The following PTPRJ variants were observed in gnomAD, a reference collection of about 807,000 sequenced individuals.
The protein encoded by PTPRJ is protein tyrosine phosphatase receptor type J.
Under a neutral mutation model 141.3 loss-of-function variants are expected in PTPRJ, and 129 were observed. The observed-to-expected ratio is 0.91, with a 90% CI of 0.79 to 1.06. The LOEUF is 1.06. Ranked by LOEUF, PTPRJ falls within the 50% of genes least tolerant of loss-of-function variation. The probability of loss-of-function intolerance (pLI) is 0.00; values close to 1 mark genes in which losing one functional copy is unlikely to be tolerated. For missense variants in PTPRJ, 1,601 were observed against 1,679.7 expected (o/e 0.95, Z 0.82); for synonymous variants, 610 against 640.5 (o/e 0.95, Z 0.72).
chr11:48,092,137 A>G (rs1264311008), intron 1 of PTPRJ, among the ~76,000 whole-genome samples: 1 of 151,812 alleles, frequency 6.6e-6, no homozygotes, highest in Admixed American at 6.6e-5. Flanking sequence ...CTCTACAAAA[A>G]TACAAAAATT....
At chr11:48,024,458 A>G (rs1317689851) in intron 1 of PTPRJ, among the ~76,000 whole-genome samples, 1 of 152,172 alleles carries the variant, frequency 6.6e-6, no homozygotes. Flanking sequence ...TTGCCCTTCC[A>G]AAGTGCTGGG....
In PTPRJ at chr11:48,055,073, C is replaced by T. The variant is rs185182439; in HGVS notation, c.97-54985C>T. 2.2e-3 allele frequency among the ~76,000 whole-genome samples: 341 copies of T among 152,164 alleles called. 1 individual carries two copies. The highest frequency in any genetic ancestry group is 7.8e-3 in the African/African-American group (324 of 41,504). ...TAGTGGTGCATGCTTGTAATCCCAGCTACTTGGGTGGCTAAGGTGAGAGGA... is the reference window on the plus strand; with the variant it reads ...TAGTGGTGCATGCTTGTAATCCCAGTTACTTGGGTGGCTAAGGTGAGAGGA... On this transcript the variant is annotated intron_variant, in intron 1 of 24. Coordinates refer to ENST00000418331, the MANE Select transcript of PTPRJ (RefSeq NM_002843.4).
At chr11:48,101,209 G>A (rs764470911) in intron 1 of PTPRJ, among the ~76,000 whole-genome samples, 1 of 152,218 alleles carries the variant, frequency 6.6e-6, no homozygotes, top group Non-Finnish European at 1.5e-5. Flanking sequence ...GTGAAAAAAT[G>A]CAAGAAGTTA....
At chr11:48,034,638 G>T (rs1032765526) in intron 1 of PTPRJ, among the ~76,000 whole-genome samples, 1 of 152,138 alleles carries the variant, frequency 6.6e-6, no homozygotes, top group Admixed American at 6.5e-5. Flanking sequence ...GCAGCCCTAG[G>T]AGGTAGGTAC....
At position 48,100,645 on chromosome 11, in the gene PTPRJ, G is replaced by A. The variant is rs577551376; in HGVS notation, c.97-9413G>A. 2.0e-5 allele frequency among the ~76,000 whole-genome samples: 3 copies of A among 152,272 alleles called. No homozygotes were observed. In the South Asian group the frequency reaches 6.2e-4, roughly 32 times the overall value. ...TGGGTGTGGTCCCAGCACTTTGGGA[G>A]GCCAAGGCGGGTGGATCACCGGAGG... On this transcript the variant is annotated intron_variant, in intron 1 of 24. Transcript: ENST00000418331.
At chr11:48,018,475 C>T (rs955408643) in intron 1 of PTPRJ, among the ~76,000 whole-genome samples, 6 of 152,144 alleles carry the variant, frequency 3.9e-5, no homozygotes, top group African/African-American at 1.2e-4. Flanking sequence ...TCCAGGAGAC[C>T]GAGGTTTGAG....
chr11:48,057,779 C>CA (rs1854800065), intron 1 of PTPRJ, among the ~76,000 whole-genome samples: 1 of 152,136 alleles, frequency 6.6e-6, no homozygotes, highest in Non-Finnish European at 1.5e-5. Context: ...GAAAGCTCCC[C>CA]AACACCCCAG....
In PTPRJ at chr11:48,170,304, GA is replaced by G. The variant is rs1233829398; in HGVS notation, c.*2945del. On this transcript the variant is annotated 3_prime_UTR_variant, in exon 25 of 25. Transcript: ENST00000418331. ...ATCTAGTGATGATCAGCACCAGCAG[GA>G]AATGACATTTGGTGTCTGCCCACTG... The G allele has an allele frequency of 6.6e-6, 1 of 152,038 alleles. No homozygotes were observed. Among genetic ancestry groups the G allele is most frequent in the Non-Finnish European group, 1.5e-5 (1 of 68,018 alleles). The allele number at this position is 152,038 out of a possible 1,614,324, so 9.4% of individuals were successfully genotyped here.
At chr11:48,023,020 T>C (rs1853696183) in intron 1 of PTPRJ, among the ~76,000 whole-genome samples, 1 of 152,102 alleles carries the variant, frequency 6.6e-6, no homozygotes, top group Admixed American at 6.6e-5. Flanking sequence ...TAAAAGCCGT[T>C]ACAATTTTGT....
intron 1 of PTPRJ, among the ~76,000 whole-genome samples, chr11:48,018,282 A>G (rs911387039): frequency 3.4e-5 from 5 of 148,230 alleles, no homozygotes; most frequent in African/African-American, 7.5e-5. Context: ...CAATTTGTGG[A>G]GAGTCCATTT....
chr11:47,991,229 G>C (rs528307349), intron 1 of PTPRJ, among the ~76,000 whole-genome samples: 17 of 152,256 alleles, frequency 1.1e-4, no homozygotes, highest in Admixed American at 2.0e-4. Context: ...AGAGTGGCCA[G>C]TGTCTATTCC....
intron 19 of PTPRJ, among the ~76,000 whole-genome samples, chr11:48,155,163 G>C (rs1857571739): frequency 6.6e-6 from 1 of 152,112 alleles, no homozygotes. Flanking sequence ...CTGTGTTTTA[G>C]ACCCTCCTAC....
intron 1 of PTPRJ, among the ~76,000 whole-genome samples, chr11:48,008,493 C>T (rs374744781): frequency 1.3e-5 from 2 of 151,892 alleles, no homozygotes; most frequent in South Asian, 2.1e-4. Flanking sequence ...CTTCTGACCT[C>T]GTGATCCAAC....
chr11:48,061,926 T>A (rs7128885), intron 1 of PTPRJ, among the ~76,000 whole-genome samples: 55,586 of 144,718 alleles, frequency 0.38, 14,077 homozygotes, highest in African/African-American at 0.77. Flanking sequence ...TTTTTTTTTT[T>A]TTTCTTTTGA....
intron 24 of PTPRJ, among the ~76,000 whole-genome samples, chr11:48,165,043 T>A (rs1383732947): frequency 1.3e-5 from 2 of 152,242 alleles, no homozygotes; most frequent in Non-Finnish European, 2.9e-5. Flanking sequence ...ATGTCAGTAA[T>A]GGAACTACTA....
intron 7 of PTPRJ, 119 bp from the exon 8 acceptor site, chr11:48,130,339 GA>G: frequency 9.7e-7 from 1 of 1,031,600 alleles, no homozygotes; most frequent in East Asian, 2.5e-5. Context: ...ATACAAAGAA[GA>G]CAGAGAGAGG....
chr11:47,983,700 T>G (rs1853973314), intron 1 of PTPRJ, among the ~76,000 whole-genome samples: 1 of 152,236 alleles, frequency 6.6e-6, no homozygotes, highest in Admixed American at 6.5e-5. Context: ...TGTGTATGTT[T>G]TAGGCAATGT....
chr11:48,033,555 G>A (rs1245014833), intron 1 of PTPRJ, among the ~76,000 whole-genome samples: 4 of 152,160 alleles, frequency 2.6e-5, no homozygotes, highest in African/African-American at 7.2e-5. Flanking sequence ...ATCTGTATCT[G>A]CGCATAGTGA....
chr11:48,085,739 C>T (rs925908822), intron 1 of PTPRJ, among the ~76,000 whole-genome samples: 44 of 152,178 alleles, frequency 2.9e-4, no homozygotes, highest in African/African-American at 1.0e-3. Context: ...TTAAGATGTG[C>T]TGGTCAAGAC....
Sources: gnomAD v4.1 joint callset for allele counts (sites outside exome capture counted in the v4.1 genomes callset) on GRCh38, gnomAD v4.1.1 for gene constraint, MANE v1.5 for transcripts, NCBI Gene and HGNC (gene_info 2026-07-23, HGNC 2026-07-21) for gene names.